Variants in AGBL4 observed in about 807,000 individuals in gnomAD.
The protein encoded by AGBL4 is cytosolic carboxypeptidase 6.
AGBL4 carries 58 observed loss-of-function variants against 66.4 expected under a neutral mutation model. That is an observed-to-expected ratio of 0.87 (90% CI 0.71 to 1.09). The LOEUF (loss-of-function observed/expected upper bound fraction) is 1.09. AGBL4 is among the 50% of genes least tolerant of loss of function. The pLI, the probability that AGBL4 is intolerant of heterozygous loss-of-function variation, is 0.00. For missense variants in AGBL4, 579 were observed against 631.0 expected, an observed-to-expected ratio of 0.92 and a Z score of 0.88; for synonymous variants, 234 against 222.9, an observed-to-expected ratio of 1.05 and a Z score of -0.44.
intron 5 of AGBL4, among the ~76,000 whole-genome samples, chr1:48,961,738 A>G (rs952831097): frequency 5.3e-5 from 8 of 152,236 alleles, no homozygotes; most frequent in African/African-American, 1.9e-4. Flanking sequence ...CATTTCCACC[A>G]GGCTGACAAA....
chr1:49,801,494 A>C (rs1326069227), intron 2 of AGBL4, among the ~76,000 whole-genome samples: 1 of 152,246 alleles, frequency 6.6e-6, no homozygotes, highest in Non-Finnish European at 1.5e-5. Flanking sequence ...ATATTGTTAC[A>C]CAGCAATAGA....
chr1:48,557,042 G>A (rs1644331297), intron 11 of AGBL4, among the ~76,000 whole-genome samples: 1 of 151,996 alleles, frequency 6.6e-6, no homozygotes, highest in African/African-American at 2.4e-5. Flanking sequence ...CTCCTACCTC[G>A]GCCTTTCAAA....
chr1:49,751,160 T>G (rs1022512031), intron 2 of AGBL4, among the ~76,000 whole-genome samples: 4 of 151,414 alleles, frequency 2.6e-5, no homozygotes, highest in African/African-American at 4.8e-5. Flanking sequence ...ATCCTTGTAC[T>G]GGTGTTCAAA....
At chr1:49,432,650 C>A (rs1438942775) in intron 3 of AGBL4, among the ~76,000 whole-genome samples, 1 of 152,056 alleles carries the variant, frequency 6.6e-6, no homozygotes, top group Non-Finnish European at 1.5e-5. Context: ...TTATATAAAT[C>A]TCTCCATATC....
intron 2 of AGBL4, among the ~76,000 whole-genome samples, chr1:49,742,881 C>A (rs1650639906): frequency 1.3e-5 from 2 of 152,170 alleles, no homozygotes; most frequent in African/African-American, 2.4e-5. Flanking sequence ...CCCTCTCTTA[C>A]ACTTTATACA....
intron 5 of AGBL4, among the ~76,000 whole-genome samples, chr1:48,903,419 A>C (rs2148871766): frequency 6.6e-6 from 1 of 152,238 alleles, no homozygotes; most frequent in Middle Eastern, 3.4e-3. Context: ...CTAATCAGCT[A>C]TTTGCTTGTA....
chr1:48,606,663 C>T (rs770482829), intron 9 of AGBL4, among the ~76,000 whole-genome samples: 4 of 152,132 alleles, frequency 2.6e-5, no homozygotes, highest in Non-Finnish European at 5.9e-5. Flanking sequence ...TGTGAGGCTC[C>T]CAGCAAGAAG....
intron 4 of AGBL4, among the ~76,000 whole-genome samples, chr1:49,117,323 G>C (rs970723556): frequency 1.3e-5 from 2 of 152,148 alleles, no homozygotes; most frequent in Non-Finnish European, 2.9e-5. Flanking sequence ...GTATTGCCTA[G>C]GTGTTCTTCT....
chr1:49,787,110 CGACATTT>C (rs1644473283), intron 2 of AGBL4, among the ~76,000 whole-genome samples: 1 of 152,096 alleles, frequency 6.6e-6, no homozygotes, highest in Admixed American at 6.6e-5. Flanking sequence ...CTGCATATAG[CGACATTT>C]TAAACATTTC....
At chr1:48,610,615 C>T (rs895901301) in intron 9 of AGBL4, among the ~76,000 whole-genome samples, 1 of 152,164 alleles carries the variant, frequency 6.6e-6, no homozygotes, top group Non-Finnish European at 1.5e-5. Flanking sequence ...TCCAGAATTG[C>T]TATGTTCCAT....
chr1:49,562,424 G>C (rs1644072579), intron 3 of AGBL4, among the ~76,000 whole-genome samples: 1 of 152,106 alleles, frequency 6.6e-6, no homozygotes, highest in Non-Finnish European at 1.5e-5. Flanking sequence ...TTTTCTTCTA[G>C]GGTTTTTATG....
intron 1 of AGBL4, among the ~76,000 whole-genome samples, chr1:49,969,292 T>C (rs1353282755): frequency 2.6e-5 from 4 of 152,166 alleles, no homozygotes; most frequent in Non-Finnish European, 5.9e-5. Context: ...TCATCAAATC[T>C]ATGCCATAAA....
At chr1:48,924,686 T>C (rs910327038) in intron 5 of AGBL4, among the ~76,000 whole-genome samples, 1 of 152,128 alleles carries the variant, frequency 6.6e-6, no homozygotes, top group Non-Finnish European at 1.5e-5. Flanking sequence ...TTAATATACA[T>C]ATCCAACTGT....
intron 6 of AGBL4, among the ~76,000 whole-genome samples, chr1:48,714,217 T>G (rs1647012168): frequency 6.6e-6 from 1 of 152,126 alleles, no homozygotes; most frequent in African/African-American, 2.4e-5. Flanking sequence ...CCCCAAAACA[T>G]GAGAACTACA....
chr1:49,581,252 G>T (rs984595403), intron 3 of AGBL4, among the ~76,000 whole-genome samples: 1 of 151,922 alleles, frequency 6.6e-6, no homozygotes, highest in African/African-American at 2.4e-5. Flanking sequence ...TCTGAATTGG[G>T]TTTATGATGT....
chr1:49,948,098 G>GTGTA (rs1553151872), intron 1 of AGBL4, among the ~76,000 whole-genome samples: 24 of 87,608 alleles, frequency 2.7e-4, no homozygotes, highest in Admixed American at 9.3e-4. Context: ...ATATGTATAT[G>GTGTA]TATATATATG....
intron 3 of AGBL4, among the ~76,000 whole-genome samples, chr1:49,289,052 AC>A (rs1233588845): frequency 6.6e-6 from 1 of 151,980 alleles, no homozygotes; most frequent in Non-Finnish European, 1.5e-5. Context: ...AGAGGAAGGA[AC>A]CTGACCATCT....
At chr1:49,659,757 G>C (rs1413547901) in intron 3 of AGBL4, among the ~76,000 whole-genome samples, 1 of 152,040 alleles carries the variant, frequency 6.6e-6, no homozygotes, top group African/African-American at 2.4e-5. Context: ...CTCAGCTCTG[G>C]ACCAAGTGGA....
At chr1:49,765,138 C>A (rs933362358) in intron 2 of AGBL4, among the ~76,000 whole-genome samples, 1 of 152,148 alleles carries the variant, frequency 6.6e-6, no homozygotes, top group Non-Finnish European at 1.5e-5. Flanking sequence ...CTCCACCCCC[C>A]ATGGAACAGG....
Sources: gnomAD v4.1 joint callset for allele counts (sites outside exome capture counted in the v4.1 genomes callset) on GRCh38, gnomAD v4.1.1 for gene constraint, MANE v1.5 for transcripts, NCBI Gene and HGNC (gene_info 2026-07-23, HGNC 2026-07-21) for gene names.